The following CTNNA2 variants were observed in gnomAD, a reference collection of about 807,000 sequenced individuals.
CTNNA2 encodes catenin alpha 2.
CTNNA2 carries 42 observed loss-of-function variants against 101.0 expected under a neutral mutation model. The ratio of observed to expected loss-of-function variants is 0.42; its 90% confidence interval spans 0.32 to 0.54. CTNNA2 has a LOEUF of 0.54. Among genes scored for constraint, CTNNA2 ranks in the 20% least tolerant of loss-of-function variants. The probability of loss-of-function intolerance (pLI) is 0.14; values close to 1 mark genes in which losing one functional copy is unlikely to be tolerated. For missense variants in CTNNA2, 871 were observed against 1,223.1 expected (o/e 0.71, Z 4.29); for synonymous variants, 450 against 456.4 (o/e 0.99, Z 0.18).
At chr2:79,574,021 TA>T in intron 1 of CTNNA2, 1 of 168,344 alleles carries the variant, frequency 5.9e-6, no homozygotes. Flanking sequence ...AAAATTGTTT[TA>T]AAAATGTTCA....
chr2:80,202,345 A>G (rs1343641472), intron 7 of CTNNA2, among the ~76,000 whole-genome samples: 1 of 152,214 alleles, frequency 6.6e-6, no homozygotes, highest in East Asian at 1.9e-4. Flanking sequence ...ACATAAACAG[A>G]AAATTGTAAT....
chr2:80,467,299 A>G (rs773820402), intron 9 of CTNNA2, among the ~76,000 whole-genome samples: 1 of 152,210 alleles, frequency 6.6e-6, no homozygotes, highest in Non-Finnish European at 1.5e-5. Flanking sequence ...AAAAGAATAT[A>G]TGCAGAAACT....
rs528569538 is a variant in CTNNA2 at position 80,229,320 on chromosome 2, C to G, written c.1057-163891C>G. The stretch of plus-strand genomic sequence containing the variant: ...TAAGGGCTCCGTCTGAAAAGGCTGC[C>G]CCTATTTCAGATGCCAGTTCCAAGT... On this transcript the variant is annotated intron_variant, in intron 7 of 18. Transcript: ENST00000402739. 2.6e-5 allele frequency among the ~76,000 whole-genome samples: 4 copies of G among 152,260 alleles called. No individual in the cohort carries two copies. In the South Asian group the frequency reaches 8.3e-4, roughly 32 times the overall value.
At chr2:80,592,823 TA>T (rs1394189419) in intron 15 of CTNNA2, among the ~76,000 whole-genome samples, 1 of 152,210 alleles carries the variant, frequency 6.6e-6, no homozygotes. Context: ...TTAACTATAT[TA>T]ACTCAGAATA....
chr2:79,876,720 G>A (rs763649690), intron 6 of CTNNA2, among the ~76,000 whole-genome samples: 12 of 152,110 alleles, frequency 7.9e-5, no homozygotes, highest in Admixed American at 3.9e-4. Context: ...CAACCGATGC[G>A]TCAGTGCAAC....
In CTNNA2 at chr2:79,856,787, C is replaced by T. The variant is rs542779059; in HGVS notation, c.299-1226C>T. 5.3e-5 allele frequency among the ~76,000 whole-genome samples: 8 copies of T among 152,208 alleles called. 1 individual carries two copies. The South Asian group carries it at 1.0e-3, about 20-fold the overall frequency. On this transcript the variant is annotated intron_variant, in intron 3 of 18. Transcript: ENST00000402739. ...CTTCACATCTAGTCAGCCCTTAGAT[C>T]GGTTGGTTGTGTCACACAGATGCAT...
intron 6 of CTNNA2, among the ~76,000 whole-genome samples, chr2:79,906,505 T>G (rs2104305942): frequency 6.6e-6 from 1 of 152,304 alleles, no homozygotes; most frequent in Non-Finnish European, 1.5e-5. Flanking sequence ...TATTGTAAAA[T>G]TATTGTTTCT....
At chr2:80,173,251 C>T (rs966763014) in intron 7 of CTNNA2, among the ~76,000 whole-genome samples, 1 of 152,182 alleles carries the variant, frequency 6.6e-6, no homozygotes, top group African/African-American at 2.4e-5. Context: ...GTGCCAGGCT[C>T]ATATTCAGCA....
intron 4 of CTNNA2, among the ~76,000 whole-genome samples, chr2:79,455,889 AT>A (rs932542160): frequency 3.9e-5 from 6 of 152,232 alleles, no homozygotes; most frequent in Non-Finnish European, 7.4e-5. Context: ...TGAATTATAG[AT>A]TTTTTTAGGG....
intron 1 of CTNNA2, among the ~76,000 whole-genome samples, chr2:79,557,610 A>G (rs989004641): frequency 4.6e-5 from 7 of 151,814 alleles, no homozygotes; most frequent in African/African-American, 1.7e-4. Context: ...GATGTACTAA[A>G]CCCTTGGAAA....
intron 3 of CTNNA2, among the ~76,000 whole-genome samples, chr2:79,356,308 T>A (rs1677507893): frequency 6.6e-6 from 1 of 152,136 alleles, no homozygotes; most frequent in Non-Finnish European, 1.5e-5. Context: ...GTTGCTTATT[T>A]TTCTTGTTAA....
At chr2:80,509,900 C>T (rs772927796) in intron 9 of CTNNA2, among the ~76,000 whole-genome samples, 14 of 152,192 alleles carry the variant, frequency 9.2e-5, no homozygotes, top group Non-Finnish European at 1.3e-4. Flanking sequence ...CATAGATATT[C>T]AGGCTTGAGA....
At chr2:79,390,014 A>G (rs111806449) in intron 4 of CTNNA2, among the ~76,000 whole-genome samples, 292 of 152,284 alleles carry the variant, frequency 1.9e-3, no homozygotes, top group Middle Eastern at 6.8e-3. Flanking sequence ...CAGCAAAACC[A>G]TTCTTTCTCT....
chr2:79,197,440 A>G (rs1673976030), intron 1 of CTNNA2, among the ~76,000 whole-genome samples: 1 of 152,222 alleles, frequency 6.6e-6, no homozygotes, highest in African/African-American at 2.4e-5. Context: ...TCATTGACCA[A>G]GTCCTAACTT....
intron 1 of CTNNA2, among the ~76,000 whole-genome samples, chr2:79,534,664 A>C (rs1228743714): frequency 6.6e-6 from 1 of 152,012 alleles, no homozygotes; most frequent in Non-Finnish European, 1.5e-5. Flanking sequence ...TCTAGTACTG[A>C]TAGTATATTT....
chr2:79,659,838 G>A (rs1234719346), intron 2 of CTNNA2, among the ~76,000 whole-genome samples: 1 of 152,060 alleles, frequency 6.6e-6, no homozygotes, highest in Admixed American at 6.6e-5. Context: ...TCTACTAAAA[G>A]TTTTTAAATA....
intron 4 of CTNNA2, among the ~76,000 whole-genome samples, chr2:79,456,345 A>G (rs1170529412): frequency 6.6e-6 from 1 of 151,974 alleles, no homozygotes; most frequent in Non-Finnish European, 1.5e-5. Flanking sequence ...AAACTTTTAT[A>G]TATTTGGCAG....
At chr2:79,244,847 C>T (rs1456077867) in intron 2 of CTNNA2, among the ~76,000 whole-genome samples, 1 of 152,192 alleles carries the variant, frequency 6.6e-6, no homozygotes, top group Non-Finnish European at 1.5e-5. Context: ...GTAATCCCAG[C>T]ACTTTGGGAG....
intron 7 of CTNNA2, among the ~76,000 whole-genome samples, chr2:79,979,856 T>C (rs1425127519): frequency 6.6e-6 from 1 of 152,170 alleles, no homozygotes; most frequent in Admixed American, 6.5e-5. Context: ...GGCTAGATGT[T>C]GACTTATATA....
Sources: gnomAD v4.1 joint callset for allele counts (sites outside exome capture counted in the v4.1 genomes callset) on GRCh38, gnomAD v4.1.1 for gene constraint, MANE v1.5 for transcripts, NCBI Gene and HGNC (gene_info 2026-07-23, HGNC 2026-07-21) for gene names.